Variants in NUBPL observed in about 807,000 individuals in gnomAD.
The protein encoded by NUBPL is NUBP iron-sulfur cluster assembly factor, mitochondrial, also known as iron-sulfur cluster transfer protein NUBPL.
Under a neutral mutation model 45.7 loss-of-function variants are expected in NUBPL, and 31 were observed. The ratio of observed to expected loss-of-function variants is 0.68; its 90% confidence interval spans 0.51 to 0.92. The LOEUF (loss-of-function observed/expected upper bound fraction) is 0.92, where lower values mean the gene tolerates loss of function less well. Ranked by LOEUF, NUBPL falls within the 40% of genes least tolerant of loss-of-function variation. The pLI is 0.00. For synonymous variants in NUBPL, 144 were observed against 140.9 expected, an observed-to-expected ratio of 1.02 and a Z score of -0.15; for missense variants, 401 against 398.7, an observed-to-expected ratio of 1.01 and a Z score of -0.05.
chr14:31,584,512 A>T (rs2033946052), intron 3 of NUBPL, among the ~76,000 whole-genome samples: 1 of 152,158 alleles, frequency 6.6e-6, no homozygotes, highest in South Asian at 2.1e-4. Flanking sequence ...AGTGGCTTTT[A>T]GTATATTTAC....
At chr14:31,613,356 A>G (rs2034811608) in intron 4 of NUBPL, among the ~76,000 whole-genome samples, 1 of 152,214 alleles carries the variant, frequency 6.6e-6, no homozygotes, top group South Asian at 2.1e-4. Context: ...AAAGATGGTT[A>G]GGAAGAATGA....
At chr14:31,603,058 T>G (rs1046940640) in intron 4 of NUBPL, among the ~76,000 whole-genome samples, 1 of 151,966 alleles carries the variant, frequency 6.6e-6, no homozygotes, top group South Asian at 2.1e-4. Context: ...ATGGCTGTAA[T>G]CCCAGCACTT....
intron 7 of NUBPL, among the ~76,000 whole-genome samples, chr14:31,800,221 C>G (rs1422360163): frequency 3.9e-5 from 6 of 152,142 alleles, no homozygotes; most frequent in Admixed American, 3.9e-4. Context: ...AAATCTTGAA[C>G]CCCCAAAAGT....
chr14:31,736,202 A>G (rs1207298258), intron 6 of NUBPL, among the ~76,000 whole-genome samples: 2 of 152,210 alleles, frequency 1.3e-5, no homozygotes, highest in Non-Finnish European at 2.9e-5. Flanking sequence ...CGACCTCCAA[A>G]GTTTTCTTGA....
chr14:31,647,515 T>A (rs1368215717), intron 4 of NUBPL, among the ~76,000 whole-genome samples: 1 of 152,208 alleles, frequency 6.6e-6, no homozygotes, highest in Non-Finnish European at 1.5e-5. Flanking sequence ...AATGGAATAT[T>A]CTGGCAATGT....
intron 6 of NUBPL, among the ~76,000 whole-genome samples, chr14:31,762,956 C>A (rs1190821844): frequency 1.3e-5 from 2 of 152,114 alleles, no homozygotes; most frequent in African/African-American, 2.4e-5. Flanking sequence ...TAAGACTAAC[C>A]AATAATTCTT....
chr14:31,622,440 G>A lies in NUBPL; in HGVS notation c.382+23061G>A, dbSNP rs189112855. On this transcript the variant is annotated intron_variant, in intron 4 of 10. Coordinates refer to ENST00000281081, the MANE Select transcript of NUBPL (RefSeq NM_025152.3). ...AATGAGGAGCGAAATGTTCATCACC[G>A]AGACAATGGGGAGAATTTCTCCAGA... is the stretch of plus-strand genomic sequence containing the variant. Among the ~76,000 whole-genome samples, 118 of 152,090 alleles carry A rather than the reference G, an allele frequency of 7.8e-4. No individual in the cohort carries two copies. In the Middle Eastern group the frequency reaches 0.014, roughly 18 times the overall value.
chr14:31,631,325 A>G (rs561593272), intron 4 of NUBPL, among the ~76,000 whole-genome samples: 2 of 152,022 alleles, frequency 1.3e-5, no homozygotes, highest in East Asian at 3.9e-4. Flanking sequence ...TATAGCTGTT[A>G]CTTTTTTTTC....
intron 6 of NUBPL, among the ~76,000 whole-genome samples, chr14:31,751,181 G>T (rs1018936659): frequency 1.3e-5 from 2 of 152,038 alleles, no homozygotes; most frequent in African/African-American, 4.8e-5. Flanking sequence ...ATATCATTTG[G>T]CCCCTGGTCC....
chr14:31,668,225 G>C (rs920279334), intron 4 of NUBPL, among the ~76,000 whole-genome samples: 2 of 152,120 alleles, frequency 1.3e-5, no homozygotes, highest in Non-Finnish European at 2.9e-5. Flanking sequence ...TCCCTGACTG[G>C]GGCTGCTGCC....
At chr14:31,760,849 T>TTTAC (rs1329314783) in intron 6 of NUBPL, among the ~76,000 whole-genome samples, 2 of 152,002 alleles carry the variant, frequency 1.3e-5, no homozygotes, top group African/African-American at 4.8e-5. Context: ...TATTTATTTA[T>TTTAC]TTATTTAGAG....
intron 9 of NUBPL, among the ~76,000 whole-genome samples, chr14:31,847,449 A>G (rs1188697472): frequency 1.3e-5 from 2 of 152,232 alleles, no homozygotes. Flanking sequence ...TGTTCATGGC[A>G]CTGAACTGAA....
rs6571448 is a variant in NUBPL at position 31,679,384 on chromosome 14, G to T, written c.513+5810G>T. Among the ~76,000 whole-genome samples the T allele has an allele frequency of 2.0e-5, 3 of 151,984 alleles. No homozygotes were observed. The South Asian group carries it at 6.2e-4, about 32-fold the overall frequency. ...TTCTATTCCACCATCTTGCTTTGCT[G>T]TCTCTCTCTTATGTTCTCAAAGCTT... On this transcript the variant is annotated intron_variant, in intron 6 of 10. Transcript: ENST00000281081.
At chr14:31,599,225 G>A (rs774310688) in intron 3 of NUBPL, 64 bp from the exon 4 acceptor site, 6 of 1,238,284 alleles carry the variant, frequency 4.8e-6, no homozygotes, top group Non-Finnish European at 7.1e-6. Flanking sequence ...TTTGAGAAGA[G>A]TGGGAACAAT....
intron 2 of NUBPL, among the ~76,000 whole-genome samples, chr14:31,562,606 T>TG (rs2033322657): frequency 1.1e-4 from 11 of 96,060 alleles, no homozygotes; most frequent in East Asian, 2.5e-4. Context: ...TTTTTTTTGT[T>TG]TTTTTTTTTT....
At chr14:31,835,105 A>T (rs2040261124) in intron 8 of NUBPL, among the ~76,000 whole-genome samples, 2 of 152,198 alleles carry the variant, frequency 1.3e-5, no homozygotes, top group African/African-American at 4.8e-5. Flanking sequence ...AGGAGGTATC[A>T]TGTGGGCGAT....
In NUBPL at chr14:31,640,092, T is replaced by C. The variant is rs577492496; in HGVS notation, c.383-33263T>C. Among the ~76,000 whole-genome samples the C allele has an allele frequency of 1.1e-4, 17 of 152,196 alleles. No homozygotes were observed. The East Asian group carries it at 1.9e-3, about 17-fold the overall frequency. On this transcript the variant is annotated intron_variant, in intron 4 of 10. Transcript: ENST00000281081. ...CTCCGGCACGGTGCACTGCACCCAC[T>C]CTCCTGCGCCCACTGTCAGGCACTC...
At chr14:31,674,913 G>A (rs1364957682) in intron 6 of NUBPL, among the ~76,000 whole-genome samples, 1 of 152,104 alleles carries the variant, frequency 6.6e-6, no homozygotes, top group Admixed American at 6.5e-5. Flanking sequence ...GAGATGGGCG[G>A]ATCACGAGGT....
intron 7 of NUBPL, among the ~76,000 whole-genome samples, chr14:31,820,178 G>C (rs2039993545): frequency 6.6e-6 from 1 of 151,018 alleles, no homozygotes; most frequent in African/African-American, 2.5e-5. Context: ...TATTGATAGA[G>C]AATTCTTGAT....
Sources: allele counts gnomAD v4.1 joint callset (sites outside exome capture counted in the v4.1 genomes callset), GRCh38; gene constraint gnomAD v4.1.1; transcripts MANE v1.5; gene names NCBI Gene and HGNC (gene_info 2026-07-23, HGNC 2026-07-21).